FHIP2A: variants seen among roughly 807,000 people sequenced by gnomAD.
The protein encoded by FHIP2A is family with sequence similarity 160 member B1.
Under a neutral mutation model 93.5 loss-of-function variants are expected in FHIP2A, and 46 were observed. The ratio of observed to expected loss-of-function variants is 0.49; its 90% CI spans 0.39 to 0.63. The LOEUF (loss-of-function observed/expected upper bound fraction) is 0.63, where lower values mean the gene tolerates loss of function less well. Ranked by LOEUF, FHIP2A falls within the 20% of genes least tolerant of loss-of-function variation. FHIP2A has a pLI of 0.00. For synonymous variants in FHIP2A, 332 were observed against 326.5 expected, an observed-to-expected ratio of 1.02 and a Z score of -0.18; for missense variants, 769 against 909.7, an observed-to-expected ratio of 0.85 and a Z score of 1.99.
At chr10:114,899,275 G>T (rs1566393183) in intron 16 of FHIP2A, among the ~76,000 whole-genome samples, 1 of 152,180 alleles carries the variant, frequency 6.6e-6, no homozygotes, top group Non-Finnish European at 1.5e-5. Context: ...TAACTGAAAA[G>T]ATATATAAGT....
At chr10:114,857,473 C>A (rs912368385) in intron 14 of FHIP2A, among the ~76,000 whole-genome samples, 7 of 151,856 alleles carry the variant, frequency 4.6e-5, no homozygotes, top group Non-Finnish European at 1.0e-4. Flanking sequence ...CCACGCCTGG[C>A]AAATTTTTGT....
At chr10:114,842,623 C>T (rs1346495466) in intron 5 of FHIP2A, among the ~76,000 whole-genome samples, 1 of 152,016 alleles carries the variant, frequency 6.6e-6, no homozygotes, top group Non-Finnish European at 1.5e-5. Context: ...CAATTGAAAC[C>T]TCCTGAAACT....
chr10:114,831,608 A>G (rs1215538715), intron 2 of FHIP2A, among the ~76,000 whole-genome samples: 1 of 152,240 alleles, frequency 6.6e-6, no homozygotes, highest in Non-Finnish European at 1.5e-5. Context: ...TAAGCTTACA[A>G]ATCGTCTTTT....
intron 16 of FHIP2A, among the ~76,000 whole-genome samples, chr10:114,898,124 A>G (rs1376852827): frequency 6.6e-6 from 1 of 152,178 alleles, no homozygotes. Flanking sequence ...AAAGAGATGG[A>G]CAGTGCCCCT....
intron 16 of FHIP2A, among the ~76,000 whole-genome samples, chr10:114,893,740 AT>A (rs903410573): frequency 2.5e-4 from 38 of 152,154 alleles, no homozygotes; most frequent in African/African-American, 9.2e-4. Context: ...GTGTGTATGT[AT>A]ATACACACTG....
intron 14 of FHIP2A, among the ~76,000 whole-genome samples, chr10:114,856,470 G>GT (rs2083767878): frequency 1.3e-5 from 2 of 152,068 alleles, no homozygotes. Context: ...ATTGTGGTTT[G>GT]TTTTTTGTTT....
rs1038037214 is a variant in FHIP2A, at chr10:114,821,904, C to T, written c.-175C>T. Reference sequence around the variant, plus strand: ...GCGCCCTCCGGAGCCGCCGAGCCGCCCGCGCACACCTGAAGCGGCCGGGCC... The same window carrying T: ...GCGCCCTCCGGAGCCGCCGAGCCGCTCGCGCACACCTGAAGCGGCCGGGCC... On this transcript the variant is annotated 5_prime_UTR_variant, in exon 1 of 17. Transcript: ENST00000369248. 1.2e-5 allele frequency: 4 copies of T among 321,374 alleles called. No individual in the cohort carries two copies. Among genetic ancestry groups the T allele is most frequent in the East Asian group, 4.9e-5 (1 of 20,524 alleles). 19.9% of individuals were successfully genotyped at this position (321,374 alleles called of 1,614,324 possible).
intron 16 of FHIP2A, among the ~76,000 whole-genome samples, chr10:114,870,579 G>A (rs1420656016): frequency 6.6e-6 from 1 of 152,098 alleles, no homozygotes; most frequent in Non-Finnish European, 1.5e-5. Context: ...ATTGAGTGCT[G>A]GTTTCATAAA....
intron 14 of FHIP2A, 110 bp from the exon 15 acceptor site, chr10:114,860,639 A>C (rs1235006101): frequency 1.1e-6 from 1 of 906,130 alleles, no homozygotes; most frequent in African/African-American, 1.6e-5. Flanking sequence ...GGTGTGAGCC[A>C]CTGGGCCTGG....
At chr10:114,888,437 A>G (rs1281525216) in intron 16 of FHIP2A, among the ~76,000 whole-genome samples, 1 of 152,210 alleles carries the variant, frequency 6.6e-6, no homozygotes, top group Non-Finnish European at 1.5e-5. Context: ...AGGTAGGAAG[A>G]ATATGCTAAA....
At chr10:114,853,454 A>G (rs2083748272) in intron 13 of FHIP2A, among the ~76,000 whole-genome samples, 1 of 152,254 alleles carries the variant, frequency 6.6e-6, no homozygotes. Context: ...CTGCATTAAT[A>G]CATGAATAAA....
At chr10:114,899,532 C>T in exon 17 of FHIP2A, 1 of 718,376 alleles carries the variant, frequency 1.4e-6, no homozygotes, top group Non-Finnish European at 2.6e-6. Flanking sequence ...TCCAGAGTCT[C>T]TTATGTCCTC....
At chr10:114,830,696 CTTA>C (rs1221072667) in intron 1 of FHIP2A, among the ~76,000 whole-genome samples, 153 bp from the exon 2 acceptor site, 2 of 152,108 alleles carry the variant, frequency 1.3e-5, no homozygotes, top group Non-Finnish European at 2.9e-5. Flanking sequence ...TTGGATTTGA[CTTA>C]TTTTGTTTCT....
At chr10:114,899,743 A>T (rs542474788) in exon 17 of FHIP2A, 1 of 456,920 alleles carries the variant, frequency 2.2e-6, no homozygotes, top group Admixed American at 4.0e-5. Flanking sequence ...AAAGAAAATC[A>T]GGGGGCTATT....
At position 114,847,138 on chromosome 10, in the gene FHIP2A, T is replaced by C; in HGVS notation, c.1617T>C (p.Thr539=). Residue 539 remains threonine (T), a synonymous_variant, in exon 12 of 17, where the codon ACT becomes ACC. Transcript: ENST00000369248. ...PLFTDISPEN[T]LPNQEWLSSS... ...TTACTGACATTTCACCAGAAAACAC[T>C]TTGCCAAACCAAGAGTGGCTTAGTT... The C allele has an allele frequency of 6.2e-7, 1 of 1,613,398 alleles. No individual in the cohort carries two copies. The highest frequency in any genetic ancestry group is 1.1e-5 in the South Asian group (1 of 91,030).
intron 1 of FHIP2A, among the ~76,000 whole-genome samples, chr10:114,825,214 C>T (rs949506531): frequency 6.6e-6 from 1 of 152,116 alleles, no homozygotes; most frequent in Admixed American, 6.5e-5. Context: ...CACTGGGCCT[C>T]ACAATGTAGA....
At chr10:114,855,963 G>A (rs2083764148) in intron 14 of FHIP2A, among the ~76,000 whole-genome samples, 1 of 152,152 alleles carries the variant, frequency 6.6e-6, no homozygotes. Context: ...TGGCTCATAA[G>A]CTTAGTGATG....
Position 114,835,599 on chromosome 10 carries a change from G to A in FHIP2A, c.357G>A (p.Arg119=), listed in dbSNP as rs202149779. 8 of 1,611,796 alleles carry A rather than the reference G, an allele frequency of 5.0e-6. No homozygotes were observed. Among genetic ancestry groups the A allele is most frequent in the Non-Finnish European group, 6.8e-6 (8 of 1,178,848 alleles). The part of the protein sequence containing the change: ...VFYTKLLGRI[R]QPLLPHINVH... Reference sequence around the variant, plus strand: ...ATACGAAACTTCTGGGAAGAATCCGGCAGCCACTACTTCCACACATTAACG... The same window carrying A: ...ATACGAAACTTCTGGGAAGAATCCGACAGCCACTACTTCCACACATTAACG... The change falls in exon 4 of 17, where the codon CGG becomes CGA. Residue 119 remains arginine, a synonymous_variant. Coordinates refer to ENST00000369248, the MANE Select transcript of FHIP2A (RefSeq NM_020940.4).
At chr10:114,833,492 A>G in intron 3 of FHIP2A, 90 bp downstream of exon 3, 1 of 1,218,936 alleles carries the variant, frequency 8.2e-7, no homozygotes, top group Non-Finnish European at 1.2e-6. Flanking sequence ...TTGATTATAA[A>G]GGTACATATT....
Sources: allele counts gnomAD v4.1 joint callset (sites outside exome capture counted in the v4.1 genomes callset), GRCh38; gene constraint gnomAD v4.1.1; transcripts MANE v1.5; gene names NCBI Gene and HGNC (gene_info 2026-07-23, HGNC 2026-07-21).